Variants in ZSWIM5 observed in about 807,000 individuals in gnomAD.
ZSWIM5 encodes zinc finger SWIM-type containing 5, also known as zinc finger SWIM domain-containing protein 5.
In ZSWIM5, 55 loss-of-function variants were observed where a neutral mutation model predicts 119.6. The observed-to-expected ratio is 0.46, with a 90% CI of 0.37 to 0.58. The LOEUF (loss-of-function observed/expected upper bound fraction) is 0.58. Among genes scored for constraint, ZSWIM5 ranks in the 20% least tolerant of loss-of-function variants. ZSWIM5 has a pLI of 0.00. For synonymous variants in ZSWIM5, 537 were observed against 606.9 expected, an observed-to-expected ratio of 0.88 and a Z score of 1.69; for missense variants, 1,193 against 1,512.8, an observed-to-expected ratio of 0.79 and a Z score of 3.51.
At position 45,058,659 on chromosome 1, in the gene ZSWIM5, T is replaced by C. The variant is rs1312626254; in HGVS notation, c.1202A>G (p.Gln401Arg). The C allele has an allele frequency of 1.2e-6, 2 of 1,614,264 alleles. No homozygotes were observed. Residue 401 changes from glutamine (Q) to arginine (R), a missense_variant, in exon 4 of 14, where the codon CAG becomes CGG. By Grantham distance (43) the Gln-to-Arg change is conservative. Around this residue, in one of 2 missense-constraint regions of ZSWIM5, gnomAD observed 961 missense variants for 1,290.0 expected, o/e 0.74. Coordinates refer to ENST00000359600, the MANE Select transcript of ZSWIM5 (RefSeq NM_020883.2). ...CTTGTCTGTCATGTTTGTTCCTTGC[T>C]GCCTCCAGAGTGTGAGTCGTGGGTC... ...VADPRLTLWRQQGTNMTDKCR... is the reference protein window; with the variant it reads ...VADPRLTLWRRQGTNMTDKCR...
intron 1 of ZSWIM5, among the ~76,000 whole-genome samples, chr1:45,188,210 T>C (rs1646070550): frequency 6.6e-6 from 1 of 152,134 alleles, no homozygotes; most frequent in South Asian, 2.1e-4. Context: ...CAACAACCAA[T>C]TAATGGATAA....
intron 1 of ZSWIM5, among the ~76,000 whole-genome samples, chr1:45,132,043 A>C (rs1645660266): frequency 6.7e-6 from 1 of 149,800 alleles, no homozygotes; most frequent in Non-Finnish European, 1.5e-5. Flanking sequence ...AAGATCAAAA[A>C]ATTTTAGAAT....
At chr1:45,132,942 C>T (rs951495831) in intron 1 of ZSWIM5, among the ~76,000 whole-genome samples, 2 of 152,162 alleles carry the variant, frequency 1.3e-5, no homozygotes, top group Non-Finnish European at 2.9e-5. Context: ...AGGACATGAA[C>T]TCATCCTTTT....
chr1:45,132,629 A>G (rs1553197186), intron 1 of ZSWIM5, among the ~76,000 whole-genome samples: 1 of 151,928 alleles, frequency 6.6e-6, no homozygotes, highest in East Asian at 1.9e-4. Flanking sequence ...TTTTTTTATT[A>G]TACTTTAAGT....
chr1:45,025,512 C>T (rs888495833), intron 11 of ZSWIM5, among the ~76,000 whole-genome samples: 2 of 151,938 alleles, frequency 1.3e-5, no homozygotes, highest in African/African-American at 4.8e-5. Context: ...TACAGTATTC[C>T]TCATATCAAT....
chr1:45,016,687 T>G lies in ZSWIM5; in HGVS notation c.*1767A>C, dbSNP rs1428149118. On this transcript the variant is annotated 3_prime_UTR_variant, in exon 14 of 14. Coordinates refer to ENST00000359600, the MANE Select transcript of ZSWIM5 (RefSeq NM_020883.2). ...AGATGGAGAAGTTCTTAGTTCACAT[T>G]CTAGCTATACCACCCCTTCCCTATC... 1 of 152,184 alleles carries G rather than the reference T, an allele frequency of 6.6e-6. No homozygotes were observed. The highest frequency in any genetic ancestry group is 1.5e-5 in the Non-Finnish European group (1 of 68,046). The allele number at this position is 152,184 out of a possible 1,614,324, so 9.4% of individuals were successfully genotyped here. A position where few individuals can be genotyped will look rare whatever the true frequency, so the allele number is the denominator to read the frequency against.
intron 11 of ZSWIM5, among the ~76,000 whole-genome samples, chr1:45,027,096 TCTC>T (rs1054897354): frequency 4.0e-5 from 6 of 151,536 alleles, no homozygotes; most frequent in East Asian, 3.9e-4. Flanking sequence ...GTAATTTAGA[TCTC>T]CTCTTTTTTT....
chr1:45,136,419 TTTTC>T (rs1645690704), intron 1 of ZSWIM5, among the ~76,000 whole-genome samples: 1 of 152,030 alleles, frequency 6.6e-6, no homozygotes, highest in Non-Finnish European at 1.5e-5. Flanking sequence ...CCCATTTGGG[TTTTC>T]TTTAACTTTT....
intron 1 of ZSWIM5, among the ~76,000 whole-genome samples, chr1:45,191,578 G>A (rs1195360340): frequency 1.3e-5 from 2 of 152,170 alleles, no homozygotes; most frequent in Non-Finnish European, 2.9e-5. Context: ...TCTCCGTTGT[G>A]ATTGCATCAA....
At chr1:45,132,142 T>C (rs141395085) in intron 1 of ZSWIM5, among the ~76,000 whole-genome samples, 2 of 151,318 alleles carry the variant, frequency 1.3e-5, no homozygotes, top group East Asian at 3.9e-4. Flanking sequence ...TGTAATTGAA[T>C]ATCACTATAT....
chr1:45,092,908 A>G (rs1645376845), intron 1 of ZSWIM5, among the ~76,000 whole-genome samples: 1 of 152,258 alleles, frequency 6.6e-6, no homozygotes, highest in South Asian at 2.1e-4. Context: ...TCAGCTGCCC[A>G]TATCACATAG....
intron 1 of ZSWIM5, among the ~76,000 whole-genome samples, chr1:45,190,886 T>C (rs1195276595): frequency 2.7e-5 from 4 of 150,442 alleles, no homozygotes; most frequent in African/African-American, 9.8e-5. Flanking sequence ...GGAGCAGGTA[T>C]TGCCTGTCGG....
At chr1:45,195,928 C>T (rs887342505) in intron 1 of ZSWIM5, among the ~76,000 whole-genome samples, 9 of 149,444 alleles carry the variant, frequency 6.0e-5, no homozygotes, top group African/African-American at 1.2e-4. Flanking sequence ...AGAGCAGTGA[C>T]GCCATCATGG....
At chr1:45,165,395 C>T (rs1645894696) in intron 1 of ZSWIM5, among the ~76,000 whole-genome samples, 1 of 151,974 alleles carries the variant, frequency 6.6e-6, no homozygotes, top group Admixed American at 6.6e-5. Context: ...CCTAACATAA[C>T]AATTAAAAGA....
intron 1 of ZSWIM5, among the ~76,000 whole-genome samples, chr1:45,201,759 T>C (rs1646159590): frequency 6.6e-6 from 1 of 152,182 alleles, no homozygotes; most frequent in Non-Finnish European, 1.5e-5. Context: ...AATTGATAAA[T>C]CACCATTCGT....
Position 45,088,284 on chromosome 1 carries a change from A to C in ZSWIM5, c.596-47T>G, listed in dbSNP as rs753282347. ...TGTGTTTAGAGATTCTAGAGTAATA[A>C]ACTTAGATTCTCATTTTACATGTAA... On this transcript the variant is annotated intron_variant, in intron 1 of 13. Coordinates refer to ENST00000359600, the MANE Select transcript of ZSWIM5 (RefSeq NM_020883.2). The surrounding 1 kb of genome is among the most constrained non-coding windows in gnomAD (Gnocchi z 4.2). The C allele has an allele frequency of 7.4e-7, 1 of 1,350,262 alleles. No homozygotes were observed. Among genetic ancestry groups the C allele is most frequent in the Non-Finnish European group, 1.0e-6 (1 of 986,584 alleles). The allele number at this position is 1,350,262 out of a possible 1,614,324, so 83.6% of individuals were successfully genotyped here.
At chr1:45,067,030 A>C (rs1388237183) in intron 2 of ZSWIM5, among the ~76,000 whole-genome samples, 1 of 152,180 alleles carries the variant, frequency 6.6e-6, no homozygotes, top group Non-Finnish European at 1.5e-5. Context: ...AGGATAAATA[A>C]ATTTGGGGAA....
chr1:45,126,793 A>T (rs1290631732), intron 1 of ZSWIM5, among the ~76,000 whole-genome samples: 1 of 152,200 alleles, frequency 6.6e-6, no homozygotes, highest in African/African-American at 2.4e-5. Context: ...TGCTTATAGA[A>T]ATGTAAGAGA....
intron 1 of ZSWIM5, among the ~76,000 whole-genome samples, chr1:45,094,764 A>C (rs912995933): frequency 6.6e-6 from 1 of 151,678 alleles, no homozygotes; most frequent in Non-Finnish European, 1.5e-5. Context: ...ACAGTCCCAG[A>C]TACTTGGGGG....
Sources: gnomAD v4.1 joint callset for allele counts (sites outside exome capture counted in the v4.1 genomes callset) on GRCh38, gnomAD v4.1.1 for gene constraint, gnomAD v4.1.1 regional missense constraint, Gnocchi (gnomAD v3.1) non-coding constraint, MANE v1.5 for transcripts, NCBI Gene and HGNC (gene_info 2026-07-23, HGNC 2026-07-21) for gene names.